The following NSMCE2 variants were observed in gnomAD, a reference collection of about 807,000 sequenced individuals.
NSMCE2 encodes E3 SUMO-protein ligase NSE2.
A neutral mutation model predicts 23.8 loss-of-function variants in NSMCE2; 24 were observed. That is an observed-to-expected ratio of 1.01 (90% confidence interval 0.73 to 1.42). The LOEUF is 1.42. Among genes scored for constraint, NSMCE2 ranks in the 40% most tolerant of loss-of-function variants. The probability of loss-of-function intolerance (pLI) is 0.00; values close to 1 mark genes in which losing one functional copy is unlikely to be tolerated. For synonymous variants in NSMCE2, 92 were observed against 94.1 expected, an observed-to-expected ratio of 0.98 and a Z score of 0.13; for missense variants, 284 against 296.5, an observed-to-expected ratio of 0.96 and a Z score of 0.31.
At chr8:125,264,641 T>C (rs1195664510) in intron 5 of NSMCE2, among the ~76,000 whole-genome samples, 8 of 152,130 alleles carry the variant, frequency 5.3e-5, no homozygotes, top group Non-Finnish European at 1.2e-4. Flanking sequence ...ACTCCTGACC[T>C]CAGGTGATCA....
At chr8:125,247,049 C>G (rs1046679642) in intron 5 of NSMCE2, among the ~76,000 whole-genome samples, 20 of 151,536 alleles carry the variant, frequency 1.3e-4, no homozygotes, top group African/African-American at 4.6e-4. Flanking sequence ...ATTAAGAGGC[C>G]TGGCATGGTG....
chr8:125,201,430 C>T (rs1303080804), intron 5 of NSMCE2, among the ~76,000 whole-genome samples: 1 of 152,184 alleles, frequency 6.6e-6, no homozygotes, highest in Non-Finnish European at 1.5e-5. Flanking sequence ...AATCAGGTCC[C>T]TCAGCTGCAG....
chr8:125,302,653 C>G (rs1272140806), intron 5 of NSMCE2, among the ~76,000 whole-genome samples: 1 of 152,060 alleles, frequency 6.6e-6, no homozygotes, highest in African/African-American at 2.4e-5. Flanking sequence ...AAGATTAGAA[C>G]AATGATATAA....
rs1233533587 is a variant in NSMCE2, at chr8:125,240,834, C to CA, written c.418+58586dup. Among the ~76,000 whole-genome samples, 23 of 151,346 alleles carry CA rather than the reference C, an allele frequency of 1.5e-4. No homozygotes were observed. In the East Asian group the frequency reaches 1.7e-3, roughly 11 times the overall value. ...TTTTTGACAGCCTGAAAATCATCCT[C>CA]AAAAAAAAGGTATATAAACACAAAA... On this transcript the variant is annotated intron_variant, in intron 5 of 7. Transcript: ENST00000287437.
At chr8:125,344,560 T>A (rs1278565910) in intron 5 of NSMCE2, among the ~76,000 whole-genome samples, 1 of 151,982 alleles carries the variant, frequency 6.6e-6, no homozygotes, top group Non-Finnish European at 1.5e-5. Flanking sequence ...CTGGCCAACA[T>A]GGTGAAACCC....
chr8:125,215,619 T>C (rs1482454340), intron 5 of NSMCE2, among the ~76,000 whole-genome samples: 1 of 152,212 alleles, frequency 6.6e-6, no homozygotes, highest in Non-Finnish European at 1.5e-5. Context: ...ATCGCCTATG[T>C]CCTGAATGGT....
At chr8:125,102,572 C>G in intron 3 of NSMCE2, 85 bp downstream of exon 3, 1 of 1,073,340 alleles carries the variant, frequency 9.3e-7, no homozygotes, top group African/African-American at 1.6e-5. Context: ...TTTGAGTATC[C>G]TTGGGGGAAT....
intron 7 of NSMCE2, among the ~76,000 whole-genome samples, chr8:125,362,388 C>A (rs1813599400): frequency 6.6e-6 from 1 of 152,162 alleles, no homozygotes; most frequent in African/African-American, 2.4e-5. Context: ...TTCCCTGAGC[C>A]CTTATTCATG....
intron 5 of NSMCE2, among the ~76,000 whole-genome samples, chr8:125,300,958 T>C (rs117487674): frequency 2.0e-5 from 3 of 152,342 alleles, no homozygotes; most frequent in Non-Finnish European, 4.4e-5. Context: ...TCATCTCAGT[T>C]CCAAATAGTG....
intron 5 of NSMCE2, among the ~76,000 whole-genome samples, chr8:125,204,954 T>A (rs1449875713): frequency 6.6e-6 from 1 of 152,236 alleles, no homozygotes; most frequent in East Asian, 1.9e-4. Flanking sequence ...AAGAGTCAAG[T>A]AGGGCATGGG....
chr8:125,333,028 A>G (rs1185509749), intron 5 of NSMCE2, among the ~76,000 whole-genome samples: 1 of 152,226 alleles, frequency 6.6e-6, no homozygotes, highest in Non-Finnish European at 1.5e-5. Context: ...ACCCAGTATC[A>G]TAGACATTGA....
At chr8:125,214,663 C>A (rs1417255572) in intron 5 of NSMCE2, among the ~76,000 whole-genome samples, 1 of 152,186 alleles carries the variant, frequency 6.6e-6, no homozygotes, top group African/African-American at 2.4e-5. Flanking sequence ...ATCCCCTACA[C>A]ACCAGTTTCC....
intron 3 of NSMCE2, among the ~76,000 whole-genome samples, chr8:125,116,840 C>A (rs79538239): frequency 0.025 from 3,734 of 151,262 alleles, 74 homozygotes; most frequent in Middle Eastern, 0.035. Context: ...AATGGCCATA[C>A]TGAAGATATA....
intron 3 of NSMCE2, among the ~76,000 whole-genome samples, chr8:125,124,704 C>A (rs1386493527): frequency 6.6e-6 from 1 of 152,086 alleles, no homozygotes; most frequent in Non-Finnish European, 1.5e-5. Context: ...TCATGAACTC[C>A]TGGGGTCAAG....
intron 5 of NSMCE2, among the ~76,000 whole-genome samples, chr8:125,266,787 A>G (rs182783503): frequency 4.6e-4 from 70 of 152,290 alleles, no homozygotes; most frequent in Non-Finnish European, 8.8e-4. Flanking sequence ...TTTCCTTGCA[A>G]TTCAGGCTTA....
chr8:125,202,997 G>T (rs1823949227), intron 5 of NSMCE2, among the ~76,000 whole-genome samples: 1 of 152,298 alleles, frequency 6.6e-6, no homozygotes, highest in South Asian at 2.1e-4. Context: ...GTCAGGAATT[G>T]CTGTATTCAC....
intron 5 of NSMCE2, among the ~76,000 whole-genome samples, chr8:125,289,908 T>C (rs1350876834): frequency 6.6e-6 from 1 of 152,196 alleles, no homozygotes; most frequent in Non-Finnish European, 1.5e-5. Context: ...AAACACACCA[T>C]TGATGTTTAT....
chr8:125,273,114 G>A (rs981349252), intron 5 of NSMCE2, among the ~76,000 whole-genome samples: 2 of 152,176 alleles, frequency 1.3e-5, no homozygotes, highest in Non-Finnish European at 2.9e-5. Flanking sequence ...CAGAGACAAA[G>A]TATAATACTG....
At chr8:125,093,580 G>T (rs1157854982) in intron 1 of NSMCE2, among the ~76,000 whole-genome samples, 1 of 151,918 alleles carries the variant, frequency 6.6e-6, no homozygotes, top group Non-Finnish European at 1.5e-5. Context: ...AACATAATTG[G>T]TGTGTCCTGG....
Sources: allele counts gnomAD v4.1 joint callset (sites outside exome capture counted in the v4.1 genomes callset), GRCh38; gene constraint gnomAD v4.1.1; transcripts MANE v1.5; gene names NCBI Gene and HGNC (gene_info 2026-07-23, HGNC 2026-07-21).